VAV2: variants seen among roughly 807,000 people sequenced by gnomAD.
The protein encoded by VAV2 is vav guanine nucleotide exchange factor 2.
VAV2 carries 67 observed loss-of-function variants against 132.5 expected under a neutral mutation model. That is an observed-to-expected ratio of 0.51 (90% CI 0.42 to 0.62). The LOEUF is 0.62. Ranked by LOEUF, VAV2 falls within the 20% of genes least tolerant of loss-of-function variation. VAV2 has a pLI of 0.00. For synonymous variants in VAV2, 492 were observed against 443.5 expected (o/e 1.11, Z -1.37); for missense variants, 938 against 1,153.6 (o/e 0.81, Z 2.71).
At chr9:133,937,424 C>CTGTGTG (rs374257075) in intron 2 of VAV2, among the ~76,000 whole-genome samples, 2,038 of 149,592 alleles carry the variant, frequency 0.014, 33 homozygotes, top group Non-Finnish European at 0.022. Flanking sequence ...GACTGTATGT[C>CTGTGTG]TGTGTGTGTG....
chr9:133,809,269 G>A (rs1003840496), intron 6 of VAV2, 131 bp from the exon 7 acceptor site: 1 of 697,786 alleles, frequency 1.4e-6, no homozygotes, highest in Non-Finnish European at 2.4e-6. Context: ...GTCACTGAGT[G>A]TGCAGTGCTG....
At chr9:133,851,047 G>A (rs908881608) in intron 3 of VAV2, among the ~76,000 whole-genome samples, 12 of 152,232 alleles carry the variant, frequency 7.9e-5, no homozygotes, top group African/African-American at 2.9e-4. Flanking sequence ...AACTGCTGAG[G>A]CACATTTTTC....
chr9:133,787,012 G>A (rs775655416), intron 16 of VAV2, among the ~76,000 whole-genome samples: 10 of 152,288 alleles, frequency 6.6e-5, no homozygotes, highest in East Asian at 1.9e-4. Context: ...CTCTGACCCC[G>A]AGCTCCAGGG....
At chr9:133,890,173 G>C (rs9409868) in intron 2 of VAV2, among the ~76,000 whole-genome samples, 111,180 of 152,094 alleles carry the variant, frequency 0.73, 42,966 homozygotes, top group Middle Eastern at 0.91. Context: ...ACAGGGCACA[G>C]AGCCCTCCAC....
At chr9:133,847,977 G>C (rs1452687738) in intron 3 of VAV2, among the ~76,000 whole-genome samples, 1 of 152,148 alleles carries the variant, frequency 6.6e-6, no homozygotes, top group Non-Finnish European at 1.5e-5. Context: ...GTCTCCTCAT[G>C]TAAAGATCCA....
intron 4 of VAV2, among the ~76,000 whole-genome samples, chr9:133,829,465 G>A (rs764837589): frequency 2.7e-4 from 41 of 152,182 alleles, no homozygotes; most frequent in African/African-American, 5.6e-4. Context: ...GTGGCTGTCC[G>A]GCTCACAACA....
At chr9:133,975,361 T>TC (rs1377518164) in intron 1 of VAV2, among the ~76,000 whole-genome samples, 1 of 152,164 alleles carries the variant, frequency 6.6e-6, no homozygotes, top group African/African-American at 2.4e-5. Context: ...CTACCTGGCC[T>TC]CCCACACTTG....
chr9:133,806,057 C>A (rs1304275157), intron 9 of VAV2, 24 bp downstream of exon 9: 1 of 1,605,708 alleles, frequency 6.2e-7, no homozygotes, highest in South Asian at 1.1e-5. Context: ...GGCCAAGGAG[C>A]CCCAGGAGCC....
chr9:133,852,482 G>GTAT (rs1426914167), intron 3 of VAV2, among the ~76,000 whole-genome samples: 1 of 152,146 alleles, frequency 6.6e-6, no homozygotes, highest in Non-Finnish European at 1.5e-5. Flanking sequence ...AGCCAGAGAA[G>GTAT]TATTCTCAGT....
At chr9:133,932,666 G>A (rs539665350) in intron 2 of VAV2, among the ~76,000 whole-genome samples, 2 of 152,272 alleles carry the variant, frequency 1.3e-5, no homozygotes, top group East Asian at 1.9e-4. Flanking sequence ...AAGGCTCAAC[G>A]AGACCAAGTA....
chr9:133,959,113 C>T (rs1841886372), intron 1 of VAV2, among the ~76,000 whole-genome samples: 1 of 152,190 alleles, frequency 6.6e-6, no homozygotes, highest in African/African-American at 2.4e-5. Flanking sequence ...CCTGACTGAG[C>T]TCTCCTCCAT....
At chr9:133,934,196 T>TC (rs1248628325) in intron 2 of VAV2, among the ~76,000 whole-genome samples, 1 of 107,696 alleles carries the variant, frequency 9.3e-6, no homozygotes, top group East Asian at 3.2e-4. Flanking sequence ...AAGGAATGAC[T>TC]CCCACAACAT....
intron 2 of VAV2, among the ~76,000 whole-genome samples, chr9:133,933,788 G>A (rs1011913088): frequency 1.4e-4 from 21 of 148,118 alleles, no homozygotes; most frequent in South Asian, 4.5e-4. Flanking sequence ...ATGGATGGAC[G>A]GATGGTGGAT....
intron 1 of VAV2, among the ~76,000 whole-genome samples, chr9:133,965,598 A>G (rs1842118458): frequency 6.6e-6 from 1 of 152,138 alleles, no homozygotes. Flanking sequence ...AGATCCCTAC[A>G]AGAGAAACTG....
chr9:133,871,174 A>G (rs1225689320), intron 2 of VAV2, among the ~76,000 whole-genome samples: 1 of 139,536 alleles, frequency 7.2e-6, no homozygotes, highest in Admixed American at 7.1e-5. Context: ...ATGGATGGAT[A>G]GATGAGTGGG....
rs1451027712 is a variant in VAV2, at chr9:133,807,333, G to T, written c.667-7C>A. The stretch of plus-strand genomic sequence containing the variant: ...GCAGGGGGCTCATGTAGTTCTGGAA[G>T]AGAGAAGTCCACCTCTGCCACCCTG... On this transcript the variant is annotated splice_polypyrimidine_tract_variant and splice_region_variant and intron_variant, in intron 7 of 29. Transcript: ENST00000371850. 1 of 1,606,736 alleles carries T rather than the reference G, an allele frequency of 6.2e-7. No individual in the cohort carries two copies. The highest frequency in any genetic ancestry group is 2.2e-5 in the East Asian group (1 of 44,616).
intron 2 of VAV2, among the ~76,000 whole-genome samples, chr9:133,889,523 G>C (rs1338726959): frequency 1.3e-5 from 2 of 152,198 alleles, no homozygotes; most frequent in Admixed American, 1.3e-4. Context: ...GAAAGGCACT[G>C]GGTCCAGGGC....
chr9:133,956,806 G>A (rs1319068494), intron 1 of VAV2, among the ~76,000 whole-genome samples: 1 of 152,190 alleles, frequency 6.6e-6, no homozygotes, highest in East Asian at 1.9e-4. Flanking sequence ...CCACCCAGGC[G>A]GGAGCCCAGT....
intron 10 of VAV2, among the ~76,000 whole-genome samples, chr9:133,797,476 G>A (rs1201431341): frequency 2.0e-5 from 3 of 152,178 alleles, no homozygotes; most frequent in African/African-American, 4.8e-5. Flanking sequence ...TCCCAAGGAC[G>A]TTTCTCCATG....
Sources: allele counts gnomAD v4.1 joint callset (sites outside exome capture counted in the v4.1 genomes callset), GRCh38; gene constraint gnomAD v4.1.1; transcripts MANE v1.5; gene names NCBI Gene and HGNC (gene_info 2026-07-23, HGNC 2026-07-21).